The following MED12L variants were observed in gnomAD, a reference collection of about 807,000 sequenced individuals.
MED12L encodes mediator of RNA polymerase II transcription subunit 12-like protein.
Under a neutral mutation model 281.3 loss-of-function variants are expected in MED12L, and 60 were observed. The observed-to-expected ratio is 0.21, with a 90% CI of 0.17 to 0.26. The LOEUF (loss-of-function observed/expected upper bound fraction) is 0.26. MED12L is among the 10% of genes least tolerant of loss of function. The probability of loss-of-function intolerance (pLI) is 1.00; values close to 1 mark genes in which losing one functional copy is unlikely to be tolerated. For synonymous variants in MED12L, 974 were observed against 987.2 expected (o/e 0.99, Z 0.25); for missense variants, 2,146 against 2,680.9 (o/e 0.80, Z 4.41).
chr3:151,376,303 T>A lies in MED12L; in HGVS notation c.4053+89T>A. On this transcript the variant is annotated intron_variant, in intron 28 of 44. Transcript: ENST00000687756. ...ACTTCCTCTCTTTTTTTGTCCTTGC[T>A]AATTTGTGATTTCAATTCTGATTTT... 3 of 1,054,712 alleles carry A rather than the reference T, an allele frequency of 2.8e-6. No individual in the cohort carries two copies. The South Asian group carries it at 8.2e-5, about 29-fold the overall frequency. 65.3% of individuals were successfully genotyped at this position (1,054,712 alleles called of 1,614,324 possible).
intron 16 of MED12L, among the ~76,000 whole-genome samples, chr3:151,345,312 A>G (rs1328132567): frequency 6.6e-6 from 1 of 152,178 alleles, no homozygotes; most frequent in East Asian, 1.9e-4. Context: ...GAGGGAATAA[A>G]CAAGAGTAAT....
chr3:151,240,741 GT>G (rs1389331643), intron 16 of MED12L, among the ~76,000 whole-genome samples: 3 of 152,220 alleles, frequency 2.0e-5, no homozygotes, highest in Non-Finnish European at 4.4e-5. Context: ...GGACTGACCA[GT>G]TTTGTGCACT....
intron 16 of MED12L, among the ~76,000 whole-genome samples, chr3:151,223,854 G>T (rs927383385): frequency 3.9e-5 from 6 of 152,248 alleles, no homozygotes; most frequent in Admixed American, 1.3e-4. Context: ...AAAAAGAAAA[G>T]AACATTGCCT....
In MED12L at chr3:151,430,398, T is replaced by A. The variant is rs1363170437; in HGVS notation, c.6490+18T>A. 6.2e-7 allele frequency: 1 copy of A among 1,613,536 alleles called. No homozygotes were observed. On this transcript the variant is annotated intron_variant, in intron 44 of 44. Transcript: ENST00000687756. ...GCTTTCCAGTAAGTACCCCTGTGTGTCATGGAACAGACAGCTCCCGGAAAA... is the reference window on the plus strand; with the variant it reads ...GCTTTCCAGTAAGTACCCCTGTGTGACATGGAACAGACAGCTCCCGGAAAA...
Position 151,416,363 on chromosome 3 carries a change from T to C in MED12L, c.6349T>C (p.Ser2117Pro). 2 of 1,555,254 alleles carry C rather than the reference T, an allele frequency of 1.3e-6. No homozygotes were observed. The highest frequency in any genetic ancestry group is 1.7e-6 in the Non-Finnish European group (2 of 1,143,012). Reference sequence around the variant, plus strand: ...CCAGCAGCCTCCCCAGCCCCAGCAGTCCTCGCAGTCCCAGAGTCAGACCCT... The same window carrying C: ...CCAGCAGCCTCCCCAGCCCCAGCAGCCCTCGCAGTCCCAGAGTCAGACCCT... The part of the protein sequence containing the change: ...QPQQPPQPQQ[S>P]SQSQSQTLGL... The change falls in exon 43 of 45, where the codon TCC becomes CCC. Residue 2117 changes from serine to proline, a missense_variant. Ser to Pro is a moderately conservative substitution (Grantham distance 74). This residue lies in a region of MED12L where 496 missense variants were observed against 512.0 expected (regional missense o/e 0.97). Transcript: ENST00000687756.
At chr3:151,392,951 T>C (rs1345350885) in intron 38 of MED12L, among the ~76,000 whole-genome samples, 1 of 152,230 alleles carries the variant, frequency 6.6e-6, no homozygotes, top group Non-Finnish European at 1.5e-5. Flanking sequence ...TTTTTACATA[T>C]CAATATACAT....
chr3:151,231,881 T>C (rs1559910537), intron 16 of MED12L, among the ~76,000 whole-genome samples: 1 of 152,234 alleles, frequency 6.6e-6, no homozygotes, highest in African/African-American at 2.4e-5. Flanking sequence ...CTGCAACTTA[T>C]TTTGAAAGTA....
chr3:151,103,610 T>G (rs942054365), intron 2 of MED12L, among the ~76,000 whole-genome samples: 1 of 152,226 alleles, frequency 6.6e-6, no homozygotes, highest in Non-Finnish European at 1.5e-5. Context: ...AAGATCATAA[T>G]TATAATGATG....
intron 16 of MED12L, among the ~76,000 whole-genome samples, chr3:151,348,848 G>T (rs1014921363): frequency 6.6e-6 from 1 of 152,286 alleles, no homozygotes; most frequent in African/African-American, 2.4e-5. Context: ...GAGTACACAT[G>T]TGAAGTACTC....
At chr3:151,254,593 C>T (rs561634142) in intron 16 of MED12L, among the ~76,000 whole-genome samples, 4 of 152,248 alleles carry the variant, frequency 2.6e-5, no homozygotes, top group African/African-American at 4.8e-5. Flanking sequence ...CTTAGCTATA[C>T]GTGTATGTGT....
chr3:151,430,160 C>T, intron 43 of MED12L, 139 bp from the exon 44 acceptor site: 1 of 1,237,818 alleles, frequency 8.1e-7, no homozygotes, highest in Non-Finnish European at 1.1e-6. Context: ...GAAAATTAAT[C>T]CACACACAGT....
chr3:151,400,264 T>C (rs1225219092), intron 39 of MED12L, among the ~76,000 whole-genome samples: 1 of 152,270 alleles, frequency 6.6e-6, no homozygotes, highest in East Asian at 1.9e-4. Context: ...TCTTTCAGTA[T>C]ATTAAATTAT....
At chr3:151,409,743 C>T (rs1377923194) in intron 40 of MED12L, among the ~76,000 whole-genome samples, 8 of 152,002 alleles carry the variant, frequency 5.3e-5, no homozygotes, top group Middle Eastern at 3.2e-3. Context: ...GATTGCTTCA[C>T]CCCCAGAATT....
At chr3:151,317,535 C>T (rs1019642388) in intron 16 of MED12L, among the ~76,000 whole-genome samples, 2 of 138,712 alleles carry the variant, frequency 1.4e-5, no homozygotes, top group African/African-American at 5.3e-5. Flanking sequence ...GCTGCAACCT[C>T]CACCTCCCGG....
At chr3:151,415,616 C>T (rs899055246) in intron 42 of MED12L, among the ~76,000 whole-genome samples, 2 of 152,220 alleles carry the variant, frequency 1.3e-5, no homozygotes, top group Non-Finnish European at 2.9e-5. Flanking sequence ...AGACTGTCAT[C>T]ATTATCAGGA....
chr3:151,418,046 G>A (rs1049905966), intron 43 of MED12L, among the ~76,000 whole-genome samples: 1 of 152,110 alleles, frequency 6.6e-6, no homozygotes, highest in Non-Finnish European at 1.5e-5. Flanking sequence ...TACACCTTTT[G>A]TTTTGAAATA....
chr3:151,212,354 A>G (rs1170115146), intron 16 of MED12L: 4 of 152,170 alleles, frequency 2.6e-5, no homozygotes, highest in African/African-American at 4.8e-5. Context: ...TTTTCATTTT[A>G]TGTGTTATTT....
intron 2 of MED12L, among the ~76,000 whole-genome samples, chr3:151,110,342 T>C (rs1183125555): frequency 1.3e-5 from 2 of 152,196 alleles, no homozygotes; most frequent in Non-Finnish European, 2.9e-5. Context: ...TAAGTGTCCA[T>C]GTCCAGCCCA....
intron 13 of MED12L, among the ~76,000 whole-genome samples, chr3:151,190,068 T>C (rs1723771693): frequency 6.6e-6 from 1 of 152,222 alleles, no homozygotes; most frequent in Non-Finnish European, 1.5e-5. Flanking sequence ...TGAACTGTTT[T>C]ATTAGTAAAA....
Sources: allele counts gnomAD v4.1 joint callset (sites outside exome capture counted in the v4.1 genomes callset), GRCh38; gene constraint gnomAD v4.1.1; regional missense constraint gnomAD v4.1.1; transcripts MANE v1.5; gene names NCBI Gene and HGNC (gene_info 2026-07-23, HGNC 2026-07-21).